The following MMACHC variants were observed in gnomAD, a reference collection of about 807,000 sequenced individuals.
The protein encoded by MMACHC is metabolism of cobalamin associated C.
MMACHC carries 14 observed loss-of-function variants against 17.6 expected under a neutral mutation model. The ratio of observed to expected loss-of-function variants is 0.80; its 90% CI spans 0.53 to 1.25. The LOEUF is 1.25. Among genes scored for constraint, MMACHC ranks in the 50% most tolerant of loss-of-function variants. MMACHC has a pLI of 0.00. For missense variants in MMACHC, 392 were observed against 364.5 expected (o/e 1.08, Z -0.62); for synonymous variants, 151 against 142.1 (o/e 1.06, Z -0.45).
At chr1:45,501,763 TG>T (rs543030740) in intron 1 of MMACHC, among the ~76,000 whole-genome samples, 1 of 152,162 alleles carries the variant, frequency 6.6e-6, no homozygotes, top group Non-Finnish European at 1.5e-5. Context: ...TGAGTAGACC[TG>T]GGTATTAGGA....
In MMACHC at chr1:45,511,672, AAGTTTAAATAATT is replaced by A; in HGVS notation, c.*2458_*2470del. On this transcript the variant is annotated 3_prime_UTR_variant, in exon 4 of 4. Coordinates refer to ENST00000401061, the MANE Select transcript of MMACHC (RefSeq NM_015506.3). ...TTTAAATTTTCCACAAAAAAAGGCA[AAGTTTAAATAATT>A]TGCCAACACTCTCTAATCCTTAAGG... 3.0e-6 allele frequency: 1 copy of A among 334,386 alleles called. No individual in the cohort carries two copies. Among genetic ancestry groups the A allele is most frequent in the Non-Finnish European group, 5.4e-6 (1 of 184,932 alleles). 20.7% of individuals were successfully genotyped at this position (334,386 alleles called of 1,614,324 possible).
intron 1 of MMACHC, among the ~76,000 whole-genome samples, chr1:45,503,284 G>C (rs1643572352): frequency 6.6e-6 from 1 of 151,936 alleles, no homozygotes; most frequent in Admixed American, 6.5e-5. Context: ...TGTAATCCCG[G>C]CTACTCGGGA....
Position 45,510,731 on chromosome 1 carries a change from C to G in MMACHC, c.*1516C>G, listed in dbSNP as rs1339827248. On this transcript the variant is annotated 3_prime_UTR_variant, in exon 4 of 4. Transcript: ENST00000401061. ...CCAAGCTTCTGGTTCCCATGCAGCCCTTTGAATAGTGTGTCTAAACAAAAA... is the reference window on the plus strand; with the variant it reads ...CCAAGCTTCTGGTTCCCATGCAGCCGTTTGAATAGTGTGTCTAAACAAAAA... 2 of 152,198 alleles carry G rather than the reference C, an allele frequency of 1.3e-5. No individual in the cohort carries two copies. Among genetic ancestry groups the G allele is most frequent in the Admixed American group, 6.5e-5 (1 of 15,270 alleles). The allele number at this position is 152,198 out of a possible 1,614,324, so 9.4% of individuals were successfully genotyped here.
chr1:45,503,957 C>G (rs2149322195), intron 1 of MMACHC, among the ~76,000 whole-genome samples: 1 of 152,310 alleles, frequency 6.6e-6, no homozygotes, highest in Admixed American at 6.5e-5. Flanking sequence ...CATCTCTTCT[C>G]CATGTTCAGT....
intron 1 of MMACHC, among the ~76,000 whole-genome samples, chr1:45,505,170 C>T (rs1643603348): frequency 6.6e-6 from 1 of 151,324 alleles, no homozygotes; most frequent in South Asian, 2.1e-4. Context: ...AGGTTCTCGC[C>T]TGGCGCGGTG....
At position 45,511,431 on chromosome 1, in the gene MMACHC, C is replaced by T. The variant is rs1157178520; in HGVS notation, c.*2216C>T. ...CTGGGCACACTGCAAGAGAAAGGCACCACTAATTAATAACCTTCTCAATGG... is the reference window on the plus strand; with the variant it reads ...CTGGGCACACTGCAAGAGAAAGGCATCACTAATTAATAACCTTCTCAATGG... On this transcript the variant is annotated 3_prime_UTR_variant, in exon 4 of 4. Coordinates refer to ENST00000401061, the MANE Select transcript of MMACHC (RefSeq NM_015506.3). 1.3e-5 allele frequency: 21 copies of T among 1,604,568 alleles called. No individual in the cohort carries two copies. The highest frequency in any genetic ancestry group is 1.7e-5 in the Non-Finnish European group (20 of 1,173,284).
chr1:45,506,259 T>G (rs1472795486), intron 1 of MMACHC, among the ~76,000 whole-genome samples: 4 of 152,202 alleles, frequency 2.6e-5, no homozygotes, highest in Non-Finnish European at 5.9e-5. Flanking sequence ...CTTCTCCAGA[T>G]TAACAATATT....
Position 45,509,206 on chromosome 1 carries a change from T to C in MMACHC, c.840T>C (p.Pro280=). ...LSPRVSPPAS[P]GP Reference sequence around the variant, plus strand: ...CCAGGGTCTCACCACCTGCATCCCCTGGCCCTTGATTTTCTCCCATGTGGA... The same window carrying C: ...CCAGGGTCTCACCACCTGCATCCCCCGGCCCTTGATTTTCTCCCATGTGGA... The change falls in exon 4 of 4, where the codon CCT becomes CCC. Residue 280 remains proline (P), a synonymous_variant. Coordinates refer to ENST00000401061, the MANE Select transcript of MMACHC (RefSeq NM_015506.3). 1 of 1,614,054 alleles carries C rather than the reference T, an allele frequency of 6.2e-7. No individual in the cohort carries two copies. Among genetic ancestry groups the C allele is most frequent in the Non-Finnish European group, 8.5e-7 (1 of 1,180,034 alleles).
In MMACHC at chr1:45,511,726, A is replaced by C; in HGVS notation, c.*2511A>C. On this transcript the variant is annotated 3_prime_UTR_variant, in exon 4 of 4. Coordinates refer to ENST00000401061, the MANE Select transcript of MMACHC (RefSeq NM_015506.3). ...ATCCTTAAGGGGAAAAAAAAGCTAA[A>C]TAAACGACACACATAGGACTATGTA... The C allele has an allele frequency of 4.5e-6, 1 of 222,662 alleles. No individual in the cohort carries two copies. 13.8% of individuals were successfully genotyped at this position (222,662 alleles called of 1,614,324 possible).
rs1643753243 is a variant in MMACHC, at chr1:45,511,827, T to G, written c.*2612T>G. On this transcript the variant is annotated 3_prime_UTR_variant, in exon 4 of 4. Transcript: ENST00000401061. ...GCAAACTCAGTCTGCCTTCTCAGCA[T>G]TCTTCTAACTCTACCAAACTGGATA... 1 of 154,232 alleles carries G rather than the reference T, an allele frequency of 6.5e-6. No homozygotes were observed. Among genetic ancestry groups the G allele is most frequent in the Non-Finnish European group, 1.4e-5 (1 of 69,554 alleles). The allele number at this position is 154,232 out of a possible 1,614,324, so 9.6% of individuals were successfully genotyped here. A position where few individuals can be genotyped will look rare whatever the true frequency, so the allele number is the denominator to read the frequency against.
chr1:45,500,303 C>A lies in MMACHC; in HGVS notation c.-30C>A. 2 of 1,613,190 alleles carry A rather than the reference C, an allele frequency of 1.2e-6. No individual in the cohort carries two copies. Among genetic ancestry groups the A allele is most frequent in the South Asian group, 2.2e-5 (2 of 91,050 alleles). On this transcript the variant is annotated 5_prime_UTR_variant, in exon 1 of 4. Coordinates refer to ENST00000401061, the MANE Select transcript of MMACHC (RefSeq NM_015506.3). Reference sequence around the variant, plus strand: ...GCCCAATTGTCCTTGAGACTTCATTCCCCAGCAAGCTCAGCGTGTAACGTG... The same window carrying A: ...GCCCAATTGTCCTTGAGACTTCATTACCCAGCAAGCTCAGCGTGTAACGTG...
Position 45,511,380 on chromosome 1 carries a change from G to A in MMACHC, c.*2165G>A, listed in dbSNP as rs750799620. ...TGCTCTTTTGGACATCAGGCTTGAT[G>A]GTATCACTGCCAGGTTTCCAGCCAG... is the stretch of plus-strand genomic sequence containing the variant. On this transcript the variant is annotated 3_prime_UTR_variant, in exon 4 of 4. Transcript: ENST00000401061. The A allele has an allele frequency of 6.2e-7, 1 of 1,613,072 alleles. No individual in the cohort carries two copies.
At position 45,511,209 on chromosome 1, in the gene MMACHC, A is replaced by T. The variant is rs921619061; in HGVS notation, c.*1994A>T. On this transcript the variant is annotated 3_prime_UTR_variant, in exon 4 of 4. Transcript: ENST00000401061. Reference sequence around the variant, plus strand: ...CCCCTGTAGGAAAGGCCTGCCTTGTAAGACACCACAATTCGGCTGAATCTG... The same window carrying T: ...CCCCTGTAGGAAAGGCCTGCCTTGTTAGACACCACAATTCGGCTGAATCTG... 4.2e-5 allele frequency: 36 copies of T among 863,358 alleles called. No homozygotes were observed. Among genetic ancestry groups the T allele is most frequent in the Non-Finnish European group, 4.7e-5 (26 of 557,094 alleles). The allele number at this position is 863,358 out of a possible 1,614,324, so 53.5% of individuals were successfully genotyped here.
rs1553163283 is a variant in MMACHC at position 45,510,931 on chromosome 1, A to AT, written c.*1717dup. 1.3e-5 allele frequency: 2 copies of AT among 158,062 alleles called. No homozygotes were observed. Among genetic ancestry groups the AT allele is most frequent in the Non-Finnish European group, 2.8e-5 (2 of 72,134 alleles). The allele number at this position is 158,062 out of a possible 1,614,324, so 9.8% of individuals were successfully genotyped here. A position where few individuals can be genotyped will look rare whatever the true frequency, so the allele number is the denominator to read the frequency against. ...ATTCCCTATATCTACCTGTGTCAATATAATTCCCTGATTTGGAGGCAGCTC... is the reference window on the plus strand; with the variant it reads ...ATTCCCTATATCTACCTGTGTCAATATTAATTCCCTGATTTGGAGGCAGCTC... On this transcript the variant is annotated 3_prime_UTR_variant, in exon 4 of 4. Coordinates refer to ENST00000401061, the MANE Select transcript of MMACHC (RefSeq NM_015506.3).
At position 45,508,890 on chromosome 1, in the gene MMACHC, C is replaced by T. The variant is rs765367834; in HGVS notation, c.524C>T (p.Pro175Leu). The part of the protein sequence containing the change: ...LLPGIEVPDL[P>L]PRKPHDCVPT... ...CCAGGGATAGAGGTGCCAGATCTGC[C>T]ACCCAGAAAACCTCATGACTGTGTA... The change falls in exon 4 of 4, where the codon CCA becomes CTA. Residue 175 changes from proline (P) to leucine (L), a missense_variant. Transcript: ENST00000401061. 2 of 1,614,212 alleles carry T rather than the reference C, an allele frequency of 1.2e-6. No homozygotes were observed. Among genetic ancestry groups the T allele is most frequent in the Admixed American group, 3.3e-5 (2 of 60,028 alleles).
In MMACHC at chr1:45,510,614, A is replaced by G. The variant is rs1237190820; in HGVS notation, c.*1399A>G. 6.6e-6 allele frequency: 1 copy of G among 152,222 alleles called. No homozygotes were observed. The highest frequency in any genetic ancestry group is 1.5e-5 in the Non-Finnish European group (1 of 68,046). The allele number at this position is 152,222 out of a possible 1,614,324, so 9.4% of individuals were successfully genotyped here. On this transcript the variant is annotated 3_prime_UTR_variant, in exon 4 of 4. Transcript: ENST00000401061. ...TACGAAAGCCCTACCCAAGGCCACCAGCCTTGTCTTCCTCTTTCCTCTGTC... is the reference window on the plus strand; with the variant it reads ...TACGAAAGCCCTACCCAAGGCCACCGGCCTTGTCTTCCTCTTTCCTCTGTC...
intron 3 of MMACHC, 36 bp from the exon 4 acceptor site, chr1:45,508,760 C>G (rs1427310733): frequency 6.2e-7 from 1 of 1,601,408 alleles, no homozygotes; most frequent in Non-Finnish European, 8.5e-7. Context: ...GCCAAGGGGA[C>G]CTCCATGACC....
At chr1:45,505,189 C>T (rs964356582) in intron 1 of MMACHC, among the ~76,000 whole-genome samples, 2 of 151,514 alleles carry the variant, frequency 1.3e-5, no homozygotes, top group Non-Finnish European at 2.9e-5. Context: ...TGACTCACGC[C>T]TGTAATCCCA....
intron 2 of MMACHC, among the ~76,000 whole-genome samples, chr1:45,507,888 G>A (rs545713386): frequency 6.6e-5 from 10 of 152,306 alleles, no homozygotes; most frequent in South Asian, 2.1e-4. Context: ...AGACCTGCAA[G>A]CTTTATGCTG....
Sources: allele counts gnomAD v4.1 joint callset (sites outside exome capture counted in the v4.1 genomes callset), GRCh38; gene constraint gnomAD v4.1.1; transcripts MANE v1.5; gene names NCBI Gene and HGNC (gene_info 2026-07-23, HGNC 2026-07-21).